Variants in CA12 observed in about 807,000 individuals in gnomAD.
The protein encoded by CA12 is carbonic anhydrase 12, also known as carbonate dehydratase XII.
CA12 carries 36 observed loss-of-function variants against 46.8 expected under a neutral mutation model. The observed-to-expected ratio is 0.77, with a 90% confidence interval of 0.59 to 1.02. The LOEUF (loss-of-function observed/expected upper bound fraction) is 1.02. CA12 is among the 50% of genes least tolerant of loss of function. The probability of loss-of-function intolerance (pLI) is 0.00; values close to 1 mark genes in which losing one functional copy is unlikely to be tolerated. For missense variants in CA12, 436 were observed against 451.4 expected (o/e 0.97, Z 0.31); for synonymous variants, 202 against 187.0 (o/e 1.08, Z -0.65).
In CA12 at chr15:63,327,116, G is replaced by A. The variant is rs2038877082; in HGVS notation, c.992+33C>T. ...GACTAATCATCATGGACACATAGCT[G>A]TCCATTCCCATTTTGGACCCAAACC... On this transcript the variant is annotated intron_variant, in intron 10 of 10. Transcript: ENST00000178638. This position sits in a 1 kb window ranked among gnomAD's most constrained non-coding sequence, Gnocchi z 4.5. 2.5e-6 allele frequency: 4 copies of A among 1,571,162 alleles called. No homozygotes were observed. The highest frequency in any genetic ancestry group is 2.2e-5 in the East Asian group (1 of 44,658).
In CA12 at chr15:63,327,088, G is replaced by T; in HGVS notation, c.992+61C>A. 1 of 1,458,568 alleles carries T rather than the reference G, an allele frequency of 6.9e-7. No homozygotes were observed. Among genetic ancestry groups the T allele is most frequent in the Non-Finnish European group, 9.6e-7 (1 of 1,039,782 alleles). 90.4% of individuals were successfully genotyped at this position (1,458,568 alleles called of 1,614,324 possible). On this transcript the variant is annotated intron_variant, in intron 10 of 10. Coordinates refer to ENST00000178638, the MANE Select transcript of CA12 (RefSeq NM_001218.5). This position sits in a 1 kb window ranked among gnomAD's most constrained non-coding sequence, Gnocchi z 4.5. ...TCATGCCACAAAGCTGCCTTCCCAG[G>T]CAGACTAATCATCATGGACACATAG...
intron 1 of CA12, among the ~76,000 whole-genome samples, chr15:63,381,011 CTGTGTG>C (rs66492957): frequency 0.014 from 2,084 of 148,310 alleles, 16 homozygotes; most frequent in Middle Eastern, 0.027. Flanking sequence ...CAGAAATATG[CTGTGTG>C]TGTGTGTGTG....
rs567181896 is a variant in CA12, at chr15:63,378,312, C to G, written c.86-2634G>C. 6.6e-6 allele frequency among the ~76,000 whole-genome samples: 1 copy of G among 152,186 alleles called. No individual in the cohort carries two copies. Among genetic ancestry groups the G allele is most frequent in the African/African-American group, 2.4e-5 (1 of 41,520 alleles). On this transcript the variant is annotated intron_variant, in intron 1 of 10. Coordinates refer to ENST00000178638, the MANE Select transcript of CA12 (RefSeq NM_001218.5). The surrounding 1 kb of genome is among the most constrained non-coding windows in gnomAD (Gnocchi z 4.8). ...CTGAGGCAGGAGAATTGCTTGAACC[C>G]GGGAGGCGGAGGTTGCAGTGAGCTG...
intron 2 of CA12, among the ~76,000 whole-genome samples, chr15:63,367,059 C>A (rs2039444326): frequency 0.031 from 1 of 32 alleles, no homozygotes; most frequent in African/African-American, 0.12. Context: ...GTAGCTGAGA[C>A]TACCGCACAT....
chr15:63,356,703 A>G (rs553014658), intron 2 of CA12, among the ~76,000 whole-genome samples: 2 of 151,964 alleles, frequency 1.3e-5, no homozygotes, highest in South Asian at 4.1e-4. Flanking sequence ...TTGTATTTTT[A>G]ATAGAAATGG....
Position 63,381,721 on chromosome 15 carries a change from C to T in CA12, c.-1G>A. The T allele has an allele frequency of 1.3e-6, 2 of 1,592,072 alleles. No individual in the cohort carries two copies. Among genetic ancestry groups the T allele is most frequent in the Non-Finnish European group, 1.7e-6 (2 of 1,169,494 alleles). ...CCGCGTGCAGGCTGCGCCGGGGCAT[C>T]TTCGCGGGCTCCTGCGGGGCGGGCG... On this transcript the variant is annotated 5_prime_UTR_variant, in exon 1 of 11. Coordinates refer to ENST00000178638, the MANE Select transcript of CA12 (RefSeq NM_001218.5).
intron 4 of CA12, among the ~76,000 whole-genome samples, chr15:63,342,431 G>T (rs1439181533): frequency 3.9e-5 from 6 of 152,210 alleles, no homozygotes; most frequent in Non-Finnish European, 7.3e-5. Context: ...CTGGCAATCG[G>T]TTGAGAGTTA....
chr15:63,364,332 G>GGAA (rs777342866), intron 2 of CA12, among the ~76,000 whole-genome samples: 2 of 56,138 alleles, frequency 3.6e-5, no homozygotes, highest in African/African-American at 1.4e-4. Context: ...CCCGTCACTA[G>GGAA]AAAAAAAAAA....
At position 63,329,000 on chromosome 15, in the gene CA12, C is replaced by T. The variant is rs2038903367; in HGVS notation, c.875-870G>A. ...ACAGGTGTGAGCCACGGCGCCCAGC[C>T]AAGATTTCAGTTTTTAATACAACAT... On this transcript the variant is annotated intron_variant, in intron 8 of 10. Transcript: ENST00000178638. This position sits in a 1 kb window ranked among gnomAD's most constrained non-coding sequence, Gnocchi z 5.9. 6.6e-6 allele frequency among the ~76,000 whole-genome samples: 1 copy of T among 152,216 alleles called. No homozygotes were observed. The highest frequency in any genetic ancestry group is 1.5e-5 in the Non-Finnish European group (1 of 68,046).
At chr15:63,376,194 A>G (rs2039568461) in intron 1 of CA12, among the ~76,000 whole-genome samples, 3 of 152,212 alleles carry the variant, frequency 2.0e-5, no homozygotes, top group Non-Finnish European at 2.9e-5. Flanking sequence ...CAGTTGGTTC[A>G]TGCAGAGGCT....
chr15:63,370,189 G>A (rs1017560459), intron 2 of CA12, among the ~76,000 whole-genome samples: 12 of 152,162 alleles, frequency 7.9e-5, no homozygotes, highest in African/African-American at 1.2e-4. Flanking sequence ...TGCCAGGCAC[G>A]GTGGCTCACC....
chr15:63,374,401 C>T lies in CA12; in HGVS notation c.106+1257G>A, dbSNP rs147586768. ...TGACCATCTAGCCCTAGCACACTCG[C>T]CCTCCTTTGAGCACTCAGATCTCTG... On this transcript the variant is annotated intron_variant, in intron 2 of 10. Coordinates refer to ENST00000178638, the MANE Select transcript of CA12 (RefSeq NM_001218.5). The surrounding 1 kb of genome is among the most constrained non-coding windows in gnomAD (Gnocchi z 4.4). Among the ~76,000 whole-genome samples the T allele has an allele frequency of 9.0e-3, 1,365 of 152,280 alleles. 21 individuals carry two copies. Among genetic ancestry groups the T allele is most frequent in the African/African-American group, 0.031 (1,279 of 41,546 alleles).
In CA12 at chr15:63,346,577, T is replaced by C. The variant is rs1192606278; in HGVS notation, c.239A>G (p.Asn80Ser). 1.9e-6 allele frequency: 3 copies of C among 1,614,044 alleles called. No homozygotes were observed. Among genetic ancestry groups the C allele is most frequent in the African/African-American group, 1.3e-5 (1 of 74,968 alleles). Residue 80 changes from asparagine (N) to serine (S), a missense_variant, in exon 3 of 11, where the codon AAT becomes AGT. Asn to Ser is a conservative substitution (Grantham distance 46). Coordinates refer to ENST00000178638, the MANE Select transcript of CA12 (RefSeq NM_001218.5). ...GAGAAACTGCTTGTTGGCAGACAGA[T>C]TGTAGCCTTGGAACTCGAGGGGCGT... is the stretch of plus-strand genomic sequence containing the variant. ...SLTPLEFQGY[N>S]LSANKQFLLT...
rs1194447738 is a variant in CA12 at position 63,381,691 on chromosome 15, G to T, written c.30C>A (p.Ala10=). 1.2e-6 allele frequency: 2 copies of T among 1,608,830 alleles called. No individual in the cohort carries two copies. Among genetic ancestry groups the T allele is most frequent in the African/African-American group, 1.3e-5 (1 of 74,750 alleles). The change falls in exon 1 of 11, where the codon GCC becomes GCA. Residue 10 remains alanine, a synonymous_variant. Coordinates refer to ENST00000178638, the MANE Select transcript of CA12 (RefSeq NM_001218.5). ...CCTTTAAGATCACCAGCAGGAGCACGGCCGCCGCGTGCAGGCTGCGCCGGG... is the reference window on the plus strand; with the variant it reads ...CCTTTAAGATCACCAGCAGGAGCACTGCCGCCGCGTGCAGGCTGCGCCGGG... The part of the protein sequence containing the change: MPRRSLHAA[A]VLLLVILKEQ...
rs2038896236 is a variant in CA12 at position 63,328,420 on chromosome 15, T to C, written c.875-290A>G. 6.7e-6 allele frequency among the ~76,000 whole-genome samples: 1 copy of C among 149,642 alleles called. No individual in the cohort carries two copies. The highest frequency in any genetic ancestry group is 1.5e-5 in the Non-Finnish European group (1 of 67,714). On this transcript the variant is annotated intron_variant, in intron 8 of 10. Coordinates refer to ENST00000178638, the MANE Select transcript of CA12 (RefSeq NM_001218.5). This position sits in a 1 kb window ranked among gnomAD's most constrained non-coding sequence, Gnocchi z 5.9. Reference sequence around the variant, plus strand: ...GGTGCGATCTTGGCTCACTTCAACCTCCGCCTCCTGGGTTCAAGCAATTCT... The same window carrying C: ...GGTGCGATCTTGGCTCACTTCAACCCCCGCCTCCTGGGTTCAAGCAATTCT...
intron 2 of CA12, among the ~76,000 whole-genome samples, chr15:63,362,879 G>T (rs1006895816): frequency 1.3e-5 from 2 of 152,200 alleles, no homozygotes; most frequent in African/African-American, 4.8e-5. Flanking sequence ...CTCTAGAGAT[G>T]CGTGAAGTAT....
Position 63,326,238 on chromosome 15 carries a change from G to T in CA12, c.*47C>A. On this transcript the variant is annotated 3_prime_UTR_variant, in exon 11 of 11. Transcript: ENST00000178638. ...TGTCCAGAGAGCCGAAGTGTGTAGGGTCCAAAGCAAGGTCCTTCCTGGATG... is the reference window on the plus strand; with the variant it reads ...TGTCCAGAGAGCCGAAGTGTGTAGGTTCCAAAGCAAGGTCCTTCCTGGATG... 6.9e-7 allele frequency: 1 copy of T among 1,446,890 alleles called. No homozygotes were observed. Among genetic ancestry groups the T allele is most frequent in the Non-Finnish European group, 9.7e-7 (1 of 1,027,762 alleles). The allele number at this position is 1,446,890 out of a possible 1,614,324, so 89.6% of individuals were successfully genotyped here.
intron 2 of CA12, among the ~76,000 whole-genome samples, chr15:63,352,348 C>A (rs1471437158): frequency 1.3e-5 from 2 of 152,260 alleles, no homozygotes; most frequent in African/African-American, 4.8e-5. Flanking sequence ...CGAGCCACCG[C>A]ACCCAGCCTG....
At chr15:63,363,470 G>A (rs2039393449) in intron 2 of CA12, among the ~76,000 whole-genome samples, 1 of 152,198 alleles carries the variant, frequency 6.6e-6, no homozygotes, top group Non-Finnish European at 1.5e-5. Flanking sequence ...CTGCTGTGGA[G>A]ACGCTGACCC....
Sources: gnomAD v4.1 joint callset for allele counts (sites outside exome capture counted in the v4.1 genomes callset) on GRCh38, gnomAD v4.1.1 for gene constraint, Gnocchi (gnomAD v3.1) non-coding constraint, MANE v1.5 for transcripts, NCBI Gene and HGNC (gene_info 2026-07-23, HGNC 2026-07-21) for gene names.